CUX1: variants seen among roughly 807,000 people sequenced by gnomAD.
CUX1 encodes the protein cut like homeobox 1.
CUX1 carries 31 observed loss-of-function variants against 158.8 expected under a neutral mutation model. The observed-to-expected ratio is 0.20, with a 90% CI of 0.15 to 0.26. The LOEUF (loss-of-function observed/expected upper bound fraction) is 0.26, where lower values mean the gene tolerates loss of function less well. Among genes scored for constraint, CUX1 ranks in the 10% least tolerant of loss-of-function variants. The pLI is 1.00. For missense variants in CUX1, 1,589 were observed against 2,014.6 expected (o/e 0.79, Z 4.04); for synonymous variants, 879 against 862.1 (o/e 1.02, Z -0.34).
intron 9 of CUX1, among the ~76,000 whole-genome samples, chr7:102,164,601 A>G (rs1347494800): frequency 6.6e-6 from 1 of 152,200 alleles, no homozygotes; most frequent in Non-Finnish European, 1.5e-5. Flanking sequence ...GTGGGTCTCC[A>G]TGGAGGCCTT....
At chr7:102,283,027 T>C in exon 23 of CUX1, 4 of 1,611,010 alleles carry the variant, frequency 2.5e-6, no homozygotes, top group Non-Finnish European at 2.5e-6. Flanking sequence ...CCAGGTTCGC[T>C]GACCACCTGC....
At chr7:102,071,777 G>A (rs1352173362) in intron 4 of CUX1, among the ~76,000 whole-genome samples, 1 of 152,168 alleles carries the variant, frequency 6.6e-6, no homozygotes, top group Non-Finnish European at 1.5e-5. Flanking sequence ...TTCGGACAGG[G>A]AATGAGGAGA....
At chr7:101,874,679 G>A (rs2970495) in intron 1 of CUX1, among the ~76,000 whole-genome samples, 24,779 of 152,104 alleles carry the variant, frequency 0.16, 2,158 homozygotes, top group Non-Finnish European at 0.19. Context: ...GGTTCTGCCC[G>A]GGTTTCTGTC....
chr7:101,835,097 C>T (rs1171982339), intron 1 of CUX1, among the ~76,000 whole-genome samples: 1 of 152,068 alleles, frequency 6.6e-6, no homozygotes, highest in Non-Finnish European at 1.5e-5. Context: ...GATCTAGTTC[C>T]AAAACGTTTC....
At chr7:102,168,923 C>CTTT (rs1191271149) in intron 9 of CUX1, among the ~76,000 whole-genome samples, 13 of 45,036 alleles carry the variant, frequency 2.9e-4, no homozygotes, top group African/African-American at 1.6e-3. Flanking sequence ...ATTTTCTTTT[C>CTTT]TTTTCTTTTA....
At chr7:101,848,642 G>T (rs1218890970) in intron 1 of CUX1, among the ~76,000 whole-genome samples, 1 of 151,998 alleles carries the variant, frequency 6.6e-6, no homozygotes, top group African/African-American at 2.4e-5. Context: ...GCAGAGTGAG[G>T]CTCCATCTAT....
intron 11 of CUX1, among the ~76,000 whole-genome samples, chr7:102,185,104 C>G (rs1167391640): frequency 6.6e-6 from 1 of 152,218 alleles, no homozygotes; most frequent in Non-Finnish European, 1.5e-5. Flanking sequence ...AGGTGACAGG[C>G]TGAGATCCGC....
intron 8 of CUX1, among the ~76,000 whole-genome samples, chr7:102,148,188 G>A (rs1379427969): frequency 1.3e-5 from 2 of 152,118 alleles, no homozygotes; most frequent in Non-Finnish European, 2.9e-5. Flanking sequence ...GGAGGGCCAG[G>A]AGGGCTGAGA....
At chr7:102,273,194 T>C (rs1278908606) in intron 14 of CUX1, among the ~76,000 whole-genome samples, 1 of 152,134 alleles carries the variant, frequency 6.6e-6, no homozygotes, top group Non-Finnish European at 1.5e-5. Context: ...GAGGAGGCCC[T>C]AGGTCTAATG....
At chr7:102,221,845 T>G (rs1554527048) in intron 20 of CUX1, among the ~76,000 whole-genome samples, 2 of 152,116 alleles carry the variant, frequency 1.3e-5, no homozygotes, top group Non-Finnish European at 2.9e-5. Context: ...AGTGGGGCTT[T>G]TAAAATATGC....
chr7:102,058,234 ATG>A (rs1824382882), intron 3 of CUX1, among the ~76,000 whole-genome samples: 5 of 152,200 alleles, frequency 3.3e-5, no homozygotes, highest in Admixed American at 3.3e-4. Context: ...CAAAAAATTT[ATG>A]TGACTTGCTT....
intron 1 of CUX1, among the ~76,000 whole-genome samples, chr7:101,903,748 G>T (rs1411122836): frequency 6.6e-6 from 1 of 152,078 alleles, no homozygotes; most frequent in Non-Finnish European, 1.5e-5. Flanking sequence ...TGAGCGTCTA[G>T]CAAGTATTCT....
At chr7:101,829,827 T>G (rs183609173) in intron 1 of CUX1, among the ~76,000 whole-genome samples, 3 of 152,308 alleles carry the variant, frequency 2.0e-5, no homozygotes, top group African/African-American at 7.2e-5. Flanking sequence ...ATTAGCAAAC[T>G]TCATCTGATA....
chr7:101,953,552 G>A (rs1307193708), intron 2 of CUX1, among the ~76,000 whole-genome samples: 2 of 152,212 alleles, frequency 1.3e-5, no homozygotes, highest in Non-Finnish European at 2.9e-5. Context: ...TAAGAAATGC[G>A]AAGAGTGGCC....
At position 102,249,706 on chromosome 7, in the gene CUX1, T is replaced by G. The variant is rs1801280033; in HGVS notation, c.*664T>G. 3.1e-6 allele frequency: 3 copies of G among 983,332 alleles called. No homozygotes were observed. The highest frequency in any genetic ancestry group is 3.6e-6 in the Non-Finnish European group (3 of 829,414). 60.9% of individuals were successfully genotyped at this position (983,332 alleles called of 1,614,324 possible). A position where few individuals can be genotyped will look rare whatever the true frequency, so the allele number is the denominator to read the frequency against. On this transcript the variant is annotated 3_prime_UTR_variant, in exon 24 of 24. Coordinates refer to ENST00000292535, the MANE Select transcript of CUX1 (RefSeq NM_181552.4). Reference sequence around the variant, plus strand: ...GGGGGGTGGGATTTTTCAGAAAAATTAAAAAAGAAAGTTTTTGTAGCTGTT... The same window carrying G: ...GGGGGGTGGGATTTTTCAGAAAAATGAAAAAAGAAAGTTTTTGTAGCTGTT...
At chr7:101,841,471 A>G (rs1774042684) in intron 1 of CUX1, among the ~76,000 whole-genome samples, 1 of 150,452 alleles carries the variant, frequency 6.6e-6, no homozygotes, top group African/African-American at 2.4e-5. Flanking sequence ...TATGTGGCTT[A>G]TTTCTCACCA....
At chr7:102,204,630 G>T in intron 19 of CUX1, 74 bp downstream of exon 19, 2 of 1,554,342 alleles carry the variant, frequency 1.3e-6, no homozygotes, top group East Asian at 2.3e-5. Context: ...CCCCACCTGG[G>T]CTATGCAGAG....
chr7:102,200,285 G>GAGAACAGGCA, intron 17 of CUX1, 113 bp downstream of exon 17: 1 of 784,842 alleles, frequency 1.3e-6, no homozygotes, highest in Non-Finnish European at 2.0e-6. Context: ...ATGAATGCCT[G>GAGAACAGGCA]TTCTCAAGCA....
intron 11 of CUX1, among the ~76,000 whole-genome samples, chr7:102,186,201 C>T (rs782427390): frequency 5.3e-5 from 8 of 152,156 alleles, no homozygotes; most frequent in Non-Finnish European, 8.8e-5. Context: ...GGGAGCCCTG[C>T]GTCTGCAGGT....
Sources: allele counts gnomAD v4.1 joint callset (sites outside exome capture counted in the v4.1 genomes callset), GRCh38; gene constraint gnomAD v4.1.1; transcripts MANE v1.5; gene names NCBI Gene and HGNC (gene_info 2026-07-23, HGNC 2026-07-21).